Variants in HACD4 observed in about 807,000 individuals in gnomAD.
HACD4 encodes very-long-chain (3R)-3-hydroxyacyl-CoA dehydratase 4.
HACD4 carries 35 observed loss-of-function variants against 33.3 expected under a neutral mutation model. The observed-to-expected ratio is 1.05, with a 90% confidence interval of 0.80 to 1.39. The LOEUF is 1.39. Ranked by LOEUF, HACD4 falls within the 40% of genes most tolerant of loss-of-function variation. The pLI, the probability that HACD4 is intolerant of heterozygous loss-of-function variation, is 0.00. For missense variants in HACD4, 323 were observed against 276.5 expected, an observed-to-expected ratio of 1.17 and a Z score of -1.19; for synonymous variants, 118 against 98.0, an observed-to-expected ratio of 1.20 and a Z score of -1.21.
chr9:21,011,885 G>A (rs1299743069), intron 4 of HACD4, among the ~76,000 whole-genome samples, 190 bp from the exon 5 acceptor site: 1 of 152,162 alleles, frequency 6.6e-6, no homozygotes, highest in African/African-American at 2.4e-5. Context: ...CTTGTCTCAT[G>A]TGGTAGATCA....
Position 21,001,178 on chromosome 9 carries a change from A to G in HACD4, c.*5859T>C, listed in dbSNP as rs1189356367. The G allele has an allele frequency of 6.6e-6, 1 of 152,072 alleles. No individual in the cohort carries two copies. Among genetic ancestry groups the G allele is most frequent in the East Asian group, 1.9e-4 (1 of 5,206 alleles). 9.4% of individuals were successfully genotyped at this position (152,072 alleles called of 1,614,324 possible). ...CTTAAGGATGTTTTTTAAAGAACCA[A>G]AGAGCATGCGGAAAAAGTCAAAAAA... On this transcript the variant is annotated 3_prime_UTR_variant, in exon 7 of 7. Transcript: ENST00000495827.
At position 21,004,876 on chromosome 9, in the gene HACD4, A is replaced by C. The variant is rs1842232752; in HGVS notation, c.*2161T>G. ...AAGAGTACTGGAAGAGTTTTGAGGT[A>C]CTAGTTTTTTTGCTAGAAAAAGCCA... is the stretch of plus-strand genomic sequence containing the variant. On this transcript the variant is annotated 3_prime_UTR_variant, in exon 7 of 7. Transcript: ENST00000495827. This position sits in a 1 kb window ranked among gnomAD's most constrained non-coding sequence, Gnocchi z 4.6. 6.6e-6 allele frequency: 1 copy of C among 152,196 alleles called. No homozygotes were observed. Among genetic ancestry groups the C allele is most frequent in the Non-Finnish European group, 1.5e-5 (1 of 68,032 alleles). 9.4% of individuals were successfully genotyped at this position (152,196 alleles called of 1,614,324 possible). A position where few individuals can be genotyped will look rare whatever the true frequency, so the allele number is the denominator to read the frequency against.
rs537029790 is a variant in HACD4 at position 21,031,501 on chromosome 9, C to T, written c.38+52G>A. On this transcript the variant is annotated intron_variant, in intron 1 of 6. Coordinates refer to ENST00000495827, the MANE Select transcript of HACD4 (RefSeq NM_001010915.5). ...CCGCCGCAGAGGGGAGCTCCCGCCT[C>T]CAGGCCCTCCACCCGCGCCCCCTCC... The T allele has an allele frequency of 2.5e-4, 369 of 1,447,068 alleles. 2 individuals carry two copies. The highest frequency in any genetic ancestry group is 2.4e-3 in the Middle Eastern group (10 of 4,086). The allele number at this position is 1,447,068 out of a possible 1,614,324, so 89.6% of individuals were successfully genotyped here. A position where few individuals can be genotyped will look rare whatever the true frequency, so the allele number is the denominator to read the frequency against.
chr9:21,025,201 A>G (rs1818031285), intron 3 of HACD4, among the ~76,000 whole-genome samples: 1 of 152,160 alleles, frequency 6.6e-6, no homozygotes, highest in Admixed American at 6.5e-5. Context: ...AACATTTTAA[A>G]TGTCTTTATC....
intron 1 of HACD4, 63 bp downstream of exon 1, chr9:21,031,490 A>G (rs1005871333): frequency 2.9e-6 from 4 of 1,393,324 alleles, no homozygotes; most frequent in Non-Finnish European, 3.7e-6. Flanking sequence ...CGCAGAGGGG[A>G]GCTCCCGCCT....
intron 3 of HACD4, among the ~76,000 whole-genome samples, chr9:21,023,305 C>G (rs28560388): frequency 0.21 from 31,971 of 151,778 alleles, 3,827 homozygotes; most frequent in Middle Eastern, 0.31. Context: ...CAACATGGCA[C>G]ATGTATACAT....
rs79414080 is a variant in HACD4 at position 21,014,253 on chromosome 9, A to G, written c.383+1645T>C. On this transcript the variant is annotated intron_variant, in intron 4 of 6. Coordinates refer to ENST00000495827, the MANE Select transcript of HACD4 (RefSeq NM_001010915.5). ...AGGGAAATGAAAACATGTGCACACA[A>G]AAGCTTGTATATGGATGTTCATGGC... Among the ~76,000 whole-genome samples the G allele has an allele frequency of 4.2e-3, 639 of 152,326 alleles. 5 individuals are homozygous for G. The highest frequency in any genetic ancestry group is 0.015 in the African/African-American group (620 of 41,574).
rs76982519 is a variant in HACD4, at chr9:21,013,903, A to G, written c.383+1995T>C. Among the ~76,000 whole-genome samples the G allele has an allele frequency of 5.1e-3, 773 of 152,264 alleles. 5 individuals carry two copies. Among genetic ancestry groups the G allele is most frequent in the Middle Eastern group, 0.01 (3 of 294 alleles). ...TTTTACTTGTTGCTTTCCAGCCTAG[A>G]TGCCTTTTATACCATTTTGTTTGTT... is the stretch of plus-strand genomic sequence containing the variant. On this transcript the variant is annotated intron_variant, in intron 4 of 6. Transcript: ENST00000495827.
intron 2 of HACD4, 162 bp from the exon 3 acceptor site, chr9:21,026,885 GCAAA>G (rs1818076385): frequency 6.8e-6 from 4 of 587,486 alleles, no homozygotes; most frequent in East Asian, 2.9e-5. Flanking sequence ...ACAATACAAT[GCAAA>G]CAAACAAAGC....
At chr9:21,019,569 A>G (rs1817851564) in intron 3 of HACD4, among the ~76,000 whole-genome samples, 1 of 152,114 alleles carries the variant, frequency 6.6e-6, no homozygotes, top group Admixed American at 6.6e-5. Context: ...TATTTACAGG[A>G]AAACATTTTT....
rs1178548793 is a variant in HACD4, at chr9:21,000,309, G to A, written c.*6728C>T. 1.3e-5 allele frequency: 2 copies of A among 152,088 alleles called. No homozygotes were observed. Among genetic ancestry groups the A allele is most frequent in the Non-Finnish European group, 2.9e-5 (2 of 68,004 alleles). The allele number at this position is 152,088 out of a possible 1,614,324, so 9.4% of individuals were successfully genotyped here. On this transcript the variant is annotated 3_prime_UTR_variant, in exon 7 of 7. Transcript: ENST00000495827. ...GAACTACTATTTAAGGATTTTTAAA[G>A]CCATAAAAAATCATCCCTGTTCTGA...
intron 5 of HACD4, among the ~76,000 whole-genome samples, chr9:21,009,036 C>T (rs1455292413): frequency 1.3e-5 from 2 of 152,086 alleles, no homozygotes; most frequent in East Asian, 1.9e-4. Context: ...TTAACACAGG[C>T]CGCACCTATG....
intron 3 of HACD4, among the ~76,000 whole-genome samples, chr9:21,020,559 T>A (rs1817882621): frequency 6.6e-6 from 1 of 152,224 alleles, no homozygotes; most frequent in Non-Finnish European, 1.5e-5. Flanking sequence ...TTTACTGAAA[T>A]CAACTAGTTT....
chr9:21,024,671 G>C (rs35641645), intron 3 of HACD4, among the ~76,000 whole-genome samples: 1 of 151,974 alleles, frequency 6.6e-6, no homozygotes, highest in Non-Finnish European at 1.5e-5. Flanking sequence ...TGCTCAGTGA[G>C]TTTTCTTCCT....
Position 21,006,956 on chromosome 9 carries a change from C to T in HACD4, c.*81G>A. ...TTTTATCAAATACAAGGTATTTTTC[C>T]ACCAGAATACTTCCTGTGTTTTATT... On this transcript the variant is annotated 3_prime_UTR_variant, in exon 7 of 7. Coordinates refer to ENST00000495827, the MANE Select transcript of HACD4 (RefSeq NM_001010915.5). This position sits in a 1 kb window ranked among gnomAD's most constrained non-coding sequence, Gnocchi z 4.6. 1.2e-6 allele frequency: 1 copy of T among 841,844 alleles called. No homozygotes were observed. The highest frequency in any genetic ancestry group is 1.4e-5 in the South Asian group (1 of 73,652). 52.1% of individuals were successfully genotyped at this position (841,844 alleles called of 1,614,324 possible). A position where few individuals can be genotyped will look rare whatever the true frequency, so the allele number is the denominator to read the frequency against.
chr9:21,020,522 T>C (rs1327837995), intron 3 of HACD4, among the ~76,000 whole-genome samples: 1 of 152,232 alleles, frequency 6.6e-6, no homozygotes, highest in Non-Finnish European at 1.5e-5. Context: ...GTTTCTGTAC[T>C]ATAAAAGTCA....
At chr9:21,019,349 G>C (rs1410208398) in intron 3 of HACD4, among the ~76,000 whole-genome samples, 1 of 152,020 alleles carries the variant, frequency 6.6e-6, no homozygotes, top group Non-Finnish European at 1.5e-5. Flanking sequence ...ATTTACTTCT[G>C]TGTTAAGTAA....
chr9:21,008,938 G>A (rs1040051706), intron 5 of HACD4, among the ~76,000 whole-genome samples: 1 of 152,004 alleles, frequency 6.6e-6, no homozygotes, highest in Non-Finnish European at 1.5e-5. Context: ...TGAAGAAAAG[G>A]CAAGAGTTCA....
At position 21,001,013 on chromosome 9, in the gene HACD4, A is replaced by G. The variant is rs1426499397; in HGVS notation, c.*6024T>C. 2.0e-5 allele frequency: 3 copies of G among 152,118 alleles called. No homozygotes were observed. The East Asian group carries it at 5.8e-4, about 29-fold the overall frequency. The allele number at this position is 152,118 out of a possible 1,614,324, so 9.4% of individuals were successfully genotyped here. On this transcript the variant is annotated 3_prime_UTR_variant, in exon 7 of 7. Transcript: ENST00000495827. ...ATGTAGTTACCATATTATTAGATTG[A>G]AACGTTCAGTTTTCAGCAAAAAAAT...
Sources: allele counts gnomAD v4.1 joint callset (sites outside exome capture counted in the v4.1 genomes callset), GRCh38; gene constraint gnomAD v4.1.1; non-coding constraint Gnocchi (gnomAD v3.1); transcripts MANE v1.5; gene names NCBI Gene and HGNC (gene_info 2026-07-23, HGNC 2026-07-21).